Variants in EDIL3 observed in about 807,000 individuals in gnomAD.
EDIL3 encodes the protein EGF like and discoidin domains 3, also known as EGF-like repeat and discoidin I-like domain-containing protein 3.
Under a neutral mutation model 67.4 loss-of-function variants are expected in EDIL3, and 37 were observed. The ratio of observed to expected loss-of-function variants is 0.55; its 90% CI spans 0.42 to 0.72. The LOEUF is 0.72. Ranked by LOEUF, EDIL3 falls within the 30% of genes least tolerant of loss-of-function variation. The probability of loss-of-function intolerance (pLI) is 0.00; values close to 1 mark genes in which losing one functional copy is unlikely to be tolerated. For synonymous variants in EDIL3, 195 were observed against 196.3 expected (o/e 0.99, Z 0.05); for missense variants, 527 against 586.3 (o/e 0.90, Z 1.04).
chr5:84,101,627 A>C (rs1747367141), intron 6 of EDIL3, among the ~76,000 whole-genome samples: 1 of 152,064 alleles, frequency 6.6e-6, no homozygotes. Context: ...AGTCAGGATG[A>C]AATTCAAATG....
At chr5:84,284,248 T>C (rs1745764475) in intron 1 of EDIL3, among the ~76,000 whole-genome samples, 1 of 152,220 alleles carries the variant, frequency 6.6e-6, no homozygotes, top group African/African-American at 2.4e-5. Flanking sequence ...TGTATGTATA[T>C]GTTTATTCTA....
At chr5:84,233,787 C>T (rs1285316191) in intron 2 of EDIL3, among the ~76,000 whole-genome samples, 2 of 152,156 alleles carry the variant, frequency 1.3e-5, no homozygotes, top group African/African-American at 2.4e-5. Flanking sequence ...ATAACCCCTT[C>T]TCACTCTCCT....
chr5:84,290,957 C>T (rs1399906472), intron 1 of EDIL3, among the ~76,000 whole-genome samples: 1 of 152,130 alleles, frequency 6.6e-6, no homozygotes, highest in Non-Finnish European at 1.5e-5. Flanking sequence ...TTTGTGATTT[C>T]AGCTTTAGTC....
intron 6 of EDIL3, among the ~76,000 whole-genome samples, chr5:84,089,150 C>A (rs1407455037): frequency 6.6e-6 from 1 of 152,170 alleles, no homozygotes; most frequent in East Asian, 1.9e-4. Context: ...TGTCACTCAA[C>A]CTCCCACTCC....
intron 1 of EDIL3, among the ~76,000 whole-genome samples, chr5:84,340,526 CTCTCTCTCTATATATATA>C (rs1376258207): frequency 1.4e-5 from 1 of 72,396 alleles, no homozygotes; most frequent in Non-Finnish European, 3.2e-5. Flanking sequence ...CTCTCTCTCT[CTCTCTCTCTATATATATA>C]TATATATATA....
At chr5:84,152,230 C>T (rs542017889) in intron 4 of EDIL3, among the ~76,000 whole-genome samples, 2 of 152,220 alleles carry the variant, frequency 1.3e-5, no homozygotes, top group South Asian at 4.2e-4. Context: ...CTCTTTGCTT[C>T]TGTGAAGGAT....
chr5:84,350,003 C>G (rs531400879), intron 1 of EDIL3, among the ~76,000 whole-genome samples: 8 of 152,166 alleles, frequency 5.3e-5, no homozygotes, highest in African/African-American at 1.9e-4. Context: ...AATGAAGAAA[C>G]TGAGTTGCAG....
chr5:84,069,011 C>T (rs893690771), intron 6 of EDIL3, among the ~76,000 whole-genome samples: 1 of 152,102 alleles, frequency 6.6e-6, no homozygotes, highest in Admixed American at 6.5e-5. Context: ...TGTAAAATAA[C>T]AATGGCTAAA....
At chr5:84,303,850 T>C (rs201145801) in intron 1 of EDIL3, among the ~76,000 whole-genome samples, 2 of 99,178 alleles carry the variant, frequency 2.0e-5, no homozygotes, top group Non-Finnish European at 4.2e-5. Flanking sequence ...GTGTGTGTGT[T>C]TGTGTGTGTG....
chr5:84,323,867 T>C (rs1387666164), intron 1 of EDIL3, among the ~76,000 whole-genome samples: 3 of 151,760 alleles, frequency 2.0e-5, no homozygotes, highest in Admixed American at 1.3e-4. Context: ...AAAAGTATAA[T>C]AATTATAAAC....
intron 9 of EDIL3, among the ~76,000 whole-genome samples, chr5:84,049,600 G>C (rs1274793593): frequency 1.3e-5 from 2 of 152,116 alleles, no homozygotes; most frequent in Non-Finnish European, 2.9e-5. Context: ...TGTCCAATTA[G>C]GAGTATGGAA....
intron 1 of EDIL3, among the ~76,000 whole-genome samples, chr5:84,287,982 G>T (rs1170070994): frequency 6.6e-6 from 1 of 152,020 alleles, no homozygotes; most frequent in Non-Finnish European, 1.5e-5. Flanking sequence ...ACAGACTGAA[G>T]ACTCTAACAT....
intron 9 of EDIL3, among the ~76,000 whole-genome samples, chr5:83,989,435 T>C (rs2112157478): frequency 6.6e-6 from 1 of 152,234 alleles, no homozygotes. Context: ...CAGGAGAATG[T>C]TGTGATTTTC....
chr5:84,222,427 T>C (rs982080893), intron 3 of EDIL3, among the ~76,000 whole-genome samples: 3 of 151,836 alleles, frequency 2.0e-5, no homozygotes, highest in Admixed American at 6.6e-5. Flanking sequence ...TATGGATGCA[T>C]TGGTAAGCCA....
At chr5:84,139,288 A>C (rs1028982829) in intron 4 of EDIL3, among the ~76,000 whole-genome samples, 1 of 151,180 alleles carries the variant, frequency 6.6e-6, no homozygotes, top group Non-Finnish European at 1.5e-5. Flanking sequence ...GAACCTGTAC[A>C]AAAATGAAGG....
At chr5:83,944,153 G>A (rs1170899727) in intron 10 of EDIL3, among the ~76,000 whole-genome samples, 2 of 151,982 alleles carry the variant, frequency 1.3e-5, no homozygotes, top group African/African-American at 2.4e-5. Flanking sequence ...AAGGCTATCT[G>A]GTGAGCACTA....
intron 4 of EDIL3, among the ~76,000 whole-genome samples, chr5:84,162,523 CT>C (rs779401046): frequency 1.3e-5 from 2 of 152,008 alleles, no homozygotes; most frequent in African/African-American, 4.8e-5. Flanking sequence ...TTTGTGGGCT[CT>C]TTTTTTCCTG....
intron 3 of EDIL3, among the ~76,000 whole-genome samples, chr5:84,209,305 G>A (rs564479463): frequency 1.2e-4 from 18 of 152,092 alleles, no homozygotes; most frequent in Admixed American, 5.2e-4. Context: ...CAGCACACCA[G>A]CATGGCACAT....
intron 6 of EDIL3, among the ~76,000 whole-genome samples, chr5:84,067,128 C>T (rs1580309407): frequency 6.6e-6 from 1 of 151,920 alleles, no homozygotes; most frequent in African/African-American, 2.4e-5. Context: ...AACAAGTATC[C>T]CTTAAGTTTC....
Sources: gnomAD v4.1 joint callset for allele counts (sites outside exome capture counted in the v4.1 genomes callset) on GRCh38, gnomAD v4.1.1 for gene constraint, MANE v1.5 for transcripts, NCBI Gene and HGNC (gene_info 2026-07-23, HGNC 2026-07-21) for gene names.